POLN: variants seen among roughly 807,000 people sequenced by gnomAD.
The protein encoded by POLN is DNA polymerase N.
Under a neutral mutation model 113.5 loss-of-function variants are expected in POLN, and 108 were observed. The observed-to-expected ratio is 0.95, with a 90% CI of 0.81 to 1.12. POLN has a LOEUF of 1.12. Among genes scored for constraint, POLN ranks in the 50% most tolerant of loss-of-function variants. The probability of loss-of-function intolerance (pLI) is 0.00; values close to 1 mark genes in which losing one functional copy is unlikely to be tolerated. For synonymous variants in POLN, 386 were observed against 391.5 expected (o/e 0.99, Z 0.17); for missense variants, 1,097 against 1,077.1 (o/e 1.02, Z -0.26).
At chr4:2,207,928 G>T (rs1262803143) in intron 5 of POLN, 59 bp downstream of exon 5, 24 of 1,506,896 alleles carry the variant, frequency 1.6e-5, no homozygotes, top group Non-Finnish European at 1.9e-5. Flanking sequence ...CTGACACTAA[G>T]AAAATGGGCT....
At position 2,216,963 on chromosome 4, in the gene POLN, C is replaced by T. The variant is rs73796971; in HGVS notation, c.134-3837G>A. 2.2e-3 allele frequency among the ~76,000 whole-genome samples: 331 copies of T among 152,292 alleles called. 1 individual carries two copies. The highest frequency in any genetic ancestry group is 7.4e-3 in the African/African-American group (309 of 41,564). On this transcript the variant is annotated intron_variant, in intron 3 of 25. Coordinates refer to ENST00000511885, the MANE Select transcript of POLN (RefSeq NM_181808.4). ...AGAGAGCCCAGTGTGCCAGCATGGGCGCAGCAGATGGCAGAGGCTAGATGT... is the reference window on the plus strand; with the variant it reads ...AGAGAGCCCAGTGTGCCAGCATGGGTGCAGCAGATGGCAGAGGCTAGATGT...
chr4:2,079,937 G>A (rs1015096161), intron 23 of POLN: 14 of 985,414 alleles, frequency 1.4e-5, no homozygotes, highest in African/African-American at 1.7e-5. Flanking sequence ...TTCAGTTACT[G>A]CAGAAAGCAG....
chr4:2,217,176 C>A (rs943083915), intron 3 of POLN, among the ~76,000 whole-genome samples: 1 of 152,218 alleles, frequency 6.6e-6, no homozygotes, highest in Non-Finnish European at 1.5e-5. Flanking sequence ...AACCGCTGCC[C>A]AAGAGTTCCA....
chr4:2,124,676 G>C (rs1011858878), intron 19 of POLN, among the ~76,000 whole-genome samples: 5 of 152,138 alleles, frequency 3.3e-5, no homozygotes, highest in Admixed American at 1.3e-4. Flanking sequence ...TCCCAGGAGC[G>C]GGGGCACAGA....
chr4:2,221,491 T>A (rs1431244903), intron 3 of POLN, among the ~76,000 whole-genome samples: 1 of 152,202 alleles, frequency 6.6e-6, no homozygotes, highest in Non-Finnish European at 1.5e-5. Flanking sequence ...CCCCACTGTT[T>A]ATGTAAAAAT....
At chr4:2,090,394 C>T in intron 20 of POLN, 1 of 640,704 alleles carries the variant, frequency 1.6e-6, no homozygotes, top group African/African-American at 1.8e-5. Context: ...TTGATTAAAT[C>T]CACTGAGCTG....
At chr4:2,173,904 C>G in intron 11 of POLN, 51 bp downstream of exon 11, 1 of 1,537,476 alleles carries the variant, frequency 6.5e-7, no homozygotes, top group Non-Finnish European at 9.0e-7. Flanking sequence ...GAACAACTAT[C>G]TCATGCAGGA....
chr4:2,224,516 G>A (rs951302459), intron 3 of POLN, among the ~76,000 whole-genome samples: 104 of 151,966 alleles, frequency 6.8e-4, no homozygotes, highest in African/African-American at 2.4e-3. Context: ...ACAATTATAC[G>A]TAGTATAGTA....
chr4:2,110,031 C>A (rs1186818857), intron 19 of POLN, among the ~76,000 whole-genome samples: 3 of 152,128 alleles, frequency 2.0e-5, no homozygotes, highest in Non-Finnish European at 4.4e-5. Flanking sequence ...GAAATTATAA[C>A]AAACTGTCTC....
chr4:2,081,706 C>G lies in POLN; in HGVS notation c.2235G>C (p.Leu745=). Residue 745 remains leucine (L), a synonymous_variant, in exon 22 of 26, where the codon CTG becomes CTC. Transcript: ENST00000511885. ...GCTGGTCATGAGCGTGAATCCTTGG[C>G]AGGGGTCTCCTTCTGCCCATGATGG... ...VVSIMGRRRP[L]PRIHAHDQQL... 1 of 1,614,110 alleles carries G rather than the reference C, an allele frequency of 6.2e-7. No homozygotes were observed. Among genetic ancestry groups the G allele is most frequent in the Non-Finnish European group, 8.5e-7 (1 of 1,180,004 alleles).
chr4:2,105,489 G>A (rs922124863), intron 19 of POLN, among the ~76,000 whole-genome samples: 1 of 152,018 alleles, frequency 6.6e-6, no homozygotes, highest in Non-Finnish European at 1.5e-5. Context: ...GAATTAAGAG[G>A]AATAAATCTA....
intron 19 of POLN, among the ~76,000 whole-genome samples, chr4:2,125,588 A>G (rs1731559029): frequency 6.6e-6 from 1 of 152,146 alleles, no homozygotes; most frequent in Admixed American, 6.5e-5. Flanking sequence ...GGGGTGGGGT[A>G]AGAGGTGAGC....
intron 19 of POLN, among the ~76,000 whole-genome samples, chr4:2,103,024 T>A (rs1730966530): frequency 1.3e-5 from 2 of 152,144 alleles, no homozygotes; most frequent in South Asian, 4.1e-4. Flanking sequence ...CAAGGTAGTA[T>A]GACACCCTCA....
intron 2 of POLN, among the ~76,000 whole-genome samples, chr4:2,235,083 A>C (rs998294003): frequency 1.6e-4 from 24 of 152,132 alleles, no homozygotes; most frequent in Non-Finnish European, 2.8e-4. Context: ...ATGGGGTTTC[A>C]CCACCTTGGC....
chr4:2,214,213 G>T (rs1734059891), intron 3 of POLN, among the ~76,000 whole-genome samples: 1 of 151,946 alleles, frequency 6.6e-6, no homozygotes, highest in African/African-American at 2.4e-5. Flanking sequence ...TCCAGCCTGG[G>T]TTACAGGGCA....
At chr4:2,100,051 C>T (rs1730885588) in intron 19 of POLN, among the ~76,000 whole-genome samples, 2 of 128,026 alleles carry the variant, frequency 1.6e-5, no homozygotes, top group Non-Finnish European at 3.2e-5. Context: ...GCCTGGGTGA[C>T]AGAGTGAGAC....
intron 19 of POLN, among the ~76,000 whole-genome samples, chr4:2,107,623 T>C (rs1303737717): frequency 6.6e-6 from 1 of 151,920 alleles, no homozygotes; most frequent in African/African-American, 2.4e-5. Context: ...TCTGAGGTTG[T>C]GGAAACGCGA....
At chr4:2,231,684 CT>C in intron 2 of POLN, 3 of 294,146 alleles carry the variant, frequency 1.0e-5, no homozygotes, top group African/African-American at 2.2e-5. Flanking sequence ...TGTAATAATG[CT>C]TTTTCCCTGT....
intron 7 of POLN, among the ~76,000 whole-genome samples, chr4:2,186,738 G>A (rs1733284633): frequency 6.6e-6 from 1 of 152,184 alleles, no homozygotes; most frequent in South Asian, 2.1e-4. Context: ...AATAGCAAGT[G>A]GGGAACCATG....
Sources: gnomAD v4.1 joint callset for allele counts (sites outside exome capture counted in the v4.1 genomes callset) on GRCh38, gnomAD v4.1.1 for gene constraint, MANE v1.5 for transcripts, NCBI Gene and HGNC (gene_info 2026-07-23, HGNC 2026-07-21) for gene names.